Variants in FBXO17 observed in about 807,000 individuals in gnomAD.
FBXO17 encodes F-box protein 17, also known as F-box only protein 17.
In FBXO17, 43 loss-of-function variants were observed where a neutral mutation model predicts 34.1. The observed-to-expected ratio is 1.26, with a 90% CI of 0.99 to 1.62. The LOEUF (loss-of-function observed/expected upper bound fraction) is 1.62, where lower values mean the gene tolerates loss of function less well. Ranked by LOEUF, FBXO17 falls within the 40% of genes most tolerant of loss-of-function variation. FBXO17 has a pLI of 0.00. For synonymous variants in FBXO17, 169 were observed against 166.0 expected (o/e 1.02, Z -0.14); for missense variants, 424 against 386.7 (o/e 1.10, Z -0.81).
At position 38,946,740 on chromosome 19, in the gene FBXO17, T is replaced by G; in HGVS notation, c.462-173A>C. On this transcript the variant is annotated intron_variant, in intron 3 of 5. Coordinates refer to ENST00000292852, the MANE Select transcript of FBXO17 (RefSeq NM_024907.7). ...GGGCTATACATCTCTCCTTGGCCTC[T>G]TGGAGTCCCTTTGCCATTCTCCACC... 3 of 907,218 alleles carry G rather than the reference T, an allele frequency of 3.3e-6. No homozygotes were observed. The South Asian group carries it at 5.2e-5, about 16-fold the overall frequency. The allele number at this position is 907,218 out of a possible 1,614,324, so 56.2% of individuals were successfully genotyped here. A position where few individuals can be genotyped will look rare whatever the true frequency, so the allele number is the denominator to read the frequency against.
At chr19:38,971,680 G>A (rs772813886) in intron 1 of FBXO17, among the ~76,000 whole-genome samples, 8 of 151,894 alleles carry the variant, frequency 5.3e-5, no homozygotes, top group South Asian at 2.1e-4. Flanking sequence ...CCAGCTACTC[G>A]GGAGGCTGAA....
intron 1 of FBXO17, among the ~76,000 whole-genome samples, chr19:38,951,950 G>A (rs1438897820): frequency 6.6e-6 from 1 of 151,744 alleles, no homozygotes; most frequent in African/African-American, 2.4e-5. Context: ...CGCTCGGCCC[G>A]AGTTTGGCTT....
intron 1 of FBXO17, among the ~76,000 whole-genome samples, chr19:38,954,580 T>G (rs113115937): frequency 9.3e-5 from 13 of 139,296 alleles, no homozygotes; most frequent in African/African-American, 3.2e-4. Context: ...GAGAATGTGT[T>G]TTTTTTTTTT....
intron 1 of FBXO17, among the ~76,000 whole-genome samples, chr19:38,962,205 A>T (rs1410383762): frequency 9.2e-5 from 14 of 151,840 alleles, no homozygotes; most frequent in East Asian, 3.9e-4. Flanking sequence ...AAAAAAAATA[A>T]AAAAAAATAA....
rs762320669 is a variant in FBXO17, at chr19:38,941,519, A to ATAGATTT, written c.*1088_*1089insAAATCTA. ...GTGATAAGCATTATTTCTATAGATT[A>ATAGATTT]TAGATTAACTAAAAACATTTCTTAC... is the stretch of plus-strand genomic sequence containing the variant. On this transcript the variant is annotated 3_prime_UTR_variant, in exon 6 of 6. Transcript: ENST00000292852. 2 of 152,258 alleles carry ATAGATTT rather than the reference A, an allele frequency of 1.3e-5. No individual in the cohort carries two copies. Among genetic ancestry groups the ATAGATTT allele is most frequent in the Non-Finnish European group, 2.9e-5 (2 of 68,050 alleles). The allele number at this position is 152,258 out of a possible 1,614,324, so 9.4% of individuals were successfully genotyped here. A position where few individuals can be genotyped will look rare whatever the true frequency, so the allele number is the denominator to read the frequency against.
At chr19:38,948,426 T>C in intron 3 of FBXO17, 141 bp downstream of exon 3, 2 of 648,578 alleles carry the variant, frequency 3.1e-6, no homozygotes, top group East Asian at 2.8e-5. Flanking sequence ...CAAGTATTTG[T>C]TGATTGATGG....
chr19:38,971,428 C>T (rs1030201362), intron 1 of FBXO17, among the ~76,000 whole-genome samples: 7 of 152,126 alleles, frequency 4.6e-5, no homozygotes, highest in East Asian at 3.8e-4. Context: ...ACCTCTGGCA[C>T]GATCATTCGT....
intron 1 of FBXO17, chr19:38,952,841 C>T (rs1975106710): frequency 6.6e-6 from 3 of 456,860 alleles, no homozygotes; most frequent in African/African-American, 4.0e-5. Context: ...ACTCACTCTC[C>T]ACCCATCACT....
At chr19:38,956,707 C>T (rs540782902) in intron 1 of FBXO17, among the ~76,000 whole-genome samples, 39 of 151,944 alleles carry the variant, frequency 2.6e-4, no homozygotes, top group Admixed American at 1.3e-4. Flanking sequence ...ATGGTGAAAC[C>T]TGTCTCTACT....
At chr19:38,963,033 C>CT in intron 1 of FBXO17, among the ~76,000 whole-genome samples, 1 of 152,196 alleles carries the variant, frequency 6.6e-6, no homozygotes, top group African/African-American at 2.4e-5. Context: ...TTAGCATTCT[C>CT]TTTATTTCTT....
chr19:38,967,670 G>A (rs563288282), intron 1 of FBXO17, among the ~76,000 whole-genome samples: 48 of 151,758 alleles, frequency 3.2e-4, no homozygotes, highest in African/African-American at 1.1e-3. Context: ...GCTCAAGTGA[G>A]TCTCCCATTT....
intron 1 of FBXO17, among the ~76,000 whole-genome samples, chr19:38,969,366 C>T (rs1392239492): frequency 1.3e-5 from 2 of 150,574 alleles, no homozygotes; most frequent in African/African-American, 4.9e-5. Flanking sequence ...TCGCTTGAGC[C>T]CAGAAGTTGA....
At chr19:38,953,347 G>C (rs1036284729) in intron 1 of FBXO17, among the ~76,000 whole-genome samples, 1 of 151,422 alleles carries the variant, frequency 6.6e-6, no homozygotes, top group East Asian at 2.0e-4. Context: ...TGGGGCTGTA[G>C]CTAGAAGGGG....
intron 1 of FBXO17, among the ~76,000 whole-genome samples, chr19:38,960,369 A>G (rs1474834938): frequency 6.6e-6 from 1 of 151,444 alleles, no homozygotes; most frequent in Non-Finnish European, 1.5e-5. Flanking sequence ...TTGCCGTCAG[A>G]TGGTGGATGG....
intron 3 of FBXO17, chr19:38,947,499 T>G (rs771110781): frequency 6.6e-6 from 1 of 151,958 alleles, no homozygotes; most frequent in Non-Finnish European, 1.5e-5. Context: ...GGCAGGAGAA[T>G]CATTGGAACC....
chr19:38,954,640 C>T (rs1364814922), intron 1 of FBXO17, among the ~76,000 whole-genome samples: 23 of 137,396 alleles, frequency 1.7e-4, no homozygotes, highest in Non-Finnish European at 2.9e-4. Flanking sequence ...AGTGCAGTGG[C>T]GCGATCTCAG....
chr19:38,945,736 G>A (rs1165198800), intron 4 of FBXO17: 1 of 164,278 alleles, frequency 6.1e-6, no homozygotes, highest in African/African-American at 2.7e-5. Context: ...GAACCTGGAG[G>A]AGAAGCCTGG....
At chr19:38,957,221 AAAAT>A (rs962688375) in intron 1 of FBXO17, among the ~76,000 whole-genome samples, 15 of 152,184 alleles carry the variant, frequency 9.9e-5, no homozygotes, top group Non-Finnish European at 2.1e-4. Context: ...CTCTGTCTCA[AAAAT>A]AAATAAATAA....
intron 1 of FBXO17, among the ~76,000 whole-genome samples, chr19:38,965,717 G>A (rs893863991): frequency 6.6e-6 from 1 of 152,134 alleles, no homozygotes; most frequent in African/African-American, 2.4e-5. Context: ...ATGTTGGCCA[G>A]GCTGGTCTTG....
Sources: allele counts gnomAD v4.1 joint callset (sites outside exome capture counted in the v4.1 genomes callset), GRCh38; gene constraint gnomAD v4.1.1; transcripts MANE v1.5; gene names NCBI Gene and HGNC (gene_info 2026-07-23, HGNC 2026-07-21).